The following ANTXR2 variants were observed in gnomAD, a reference collection of about 807,000 sequenced individuals.
ANTXR2 encodes anthrax toxin receptor 2.
Under a neutral mutation model 73.7 loss-of-function variants are expected in ANTXR2, and 44 were observed. That is an observed-to-expected ratio of 0.60 (90% confidence interval 0.47 to 0.77). The LOEUF (loss-of-function observed/expected upper bound fraction) is 0.77, where lower values mean the gene tolerates loss of function less well. Ranked by LOEUF, ANTXR2 falls within the 30% of genes least tolerant of loss-of-function variation. The pLI, the probability that ANTXR2 is intolerant of heterozygous loss-of-function variation, is 0.00. For missense variants in ANTXR2, 604 were observed against 592.5 expected, an observed-to-expected ratio of 1.02 and a Z score of -0.20; for synonymous variants, 217 against 205.9, an observed-to-expected ratio of 1.05 and a Z score of -0.46.
intron 3 of ANTXR2, among the ~76,000 whole-genome samples, chr4:80,057,256 T>G (rs989213859): frequency 2.0e-5 from 3 of 151,964 alleles, no homozygotes; most frequent in Non-Finnish European, 4.4e-5. Context: ...AGGAACTTAC[T>G]GGGGCCATAC....
At chr4:80,016,549 C>G (rs1213273078) in intron 11 of ANTXR2, among the ~76,000 whole-genome samples, 2 of 152,194 alleles carry the variant, frequency 1.3e-5, no homozygotes, top group East Asian at 3.8e-4. Flanking sequence ...CATTTGTCAA[C>G]AACTAACAGC....
At chr4:79,908,495 T>C (rs1424897685) in intron 16 of ANTXR2, among the ~76,000 whole-genome samples, 6 of 150,716 alleles carry the variant, frequency 4.0e-5, no homozygotes, top group Admixed American at 3.9e-4. Flanking sequence ...CAAAAATGAC[T>C]GCTCAATAAA....
chr4:79,952,144 T>A (rs1324578872), intron 16 of ANTXR2, among the ~76,000 whole-genome samples: 1 of 151,118 alleles, frequency 6.6e-6, no homozygotes, highest in Admixed American at 6.6e-5. Flanking sequence ...ATTGTGGAGT[T>A]TTCAAATATA....
chr4:80,007,178 T>A (rs1731343664), intron 12 of ANTXR2, among the ~76,000 whole-genome samples: 3 of 152,062 alleles, frequency 2.0e-5, no homozygotes, highest in Non-Finnish European at 4.4e-5. Context: ...GTACAACTAA[T>A]AATAAACGCA....
chr4:79,999,529 C>G (rs1364611834), intron 12 of ANTXR2, among the ~76,000 whole-genome samples: 1 of 151,984 alleles, frequency 6.6e-6, no homozygotes, highest in African/African-American at 2.4e-5. Context: ...TACACCACTC[C>G]TTAGCAGTCT....
intron 16 of ANTXR2, among the ~76,000 whole-genome samples, chr4:79,929,636 C>A (rs894741837): frequency 1.3e-5 from 2 of 152,084 alleles, no homozygotes; most frequent in Non-Finnish European, 2.9e-5. Context: ...TGAGATAGGC[C>A]CCCAGGCATT....
intron 16 of ANTXR2, among the ~76,000 whole-genome samples, chr4:79,933,661 A>G (rs1398394118): frequency 6.7e-6 from 1 of 148,562 alleles, no homozygotes; most frequent in Non-Finnish European, 1.5e-5. Flanking sequence ...TTAACTCTTC[A>G]TTTAACATTA....
At chr4:79,961,493 A>G (rs1013926513) in intron 16 of ANTXR2, among the ~76,000 whole-genome samples, 5 of 151,878 alleles carry the variant, frequency 3.3e-5, no homozygotes, top group Non-Finnish European at 5.9e-5. Flanking sequence ...GGAGTGCAAT[A>G]GTGTGATCAT....
At chr4:80,061,280 G>T (rs887978977) in intron 3 of ANTXR2, among the ~76,000 whole-genome samples, 6 of 121,128 alleles carry the variant, frequency 5.0e-5, no homozygotes, top group Middle Eastern at 7.6e-3. Flanking sequence ...GTGTGTGTGT[G>T]CCTCTGTGTG....
chr4:80,012,306 C>G (rs938101951), intron 11 of ANTXR2, among the ~76,000 whole-genome samples: 1 of 151,160 alleles, frequency 6.6e-6, no homozygotes, highest in Non-Finnish European at 1.5e-5. Flanking sequence ...CAAATCCAGC[C>G]AATCTATTTG....
At chr4:79,984,274 TAGAA>T (rs2110019942) in intron 13 of ANTXR2, among the ~76,000 whole-genome samples, 1 of 152,216 alleles carries the variant, frequency 6.6e-6, no homozygotes, top group East Asian at 1.9e-4. Context: ...ACTTCATACT[TAGAA>T]AGATAAAATA....
At chr4:79,980,122 AG>A (rs1310111975) in intron 14 of ANTXR2, among the ~76,000 whole-genome samples, 3 of 152,182 alleles carry the variant, frequency 2.0e-5, no homozygotes, top group Non-Finnish European at 2.9e-5. Flanking sequence ...TGGCATTTCT[AG>A]GTACTACACT....
intron 12 of ANTXR2, among the ~76,000 whole-genome samples, chr4:79,998,691 G>A (rs906263145): frequency 1.3e-5 from 2 of 151,924 alleles, no homozygotes; most frequent in Non-Finnish European, 1.5e-5. Context: ...TGCTGATGAC[G>A]GCTTTGTTAA....
At chr4:80,053,424 T>C (rs925237375) in intron 7 of ANTXR2, among the ~76,000 whole-genome samples, 8 of 151,752 alleles carry the variant, frequency 5.3e-5, no homozygotes, top group African/African-American at 1.9e-4. Context: ...ACAAATACAA[T>C]AAATCTCATT....
At chr4:79,997,211 C>T (rs2110039466) in intron 12 of ANTXR2, among the ~76,000 whole-genome samples, 1 of 151,780 alleles carries the variant, frequency 6.6e-6, no homozygotes, top group Non-Finnish European at 1.5e-5. Context: ...TCATATGTTC[C>T]AATATTCAGA....
At chr4:79,998,736 G>A (rs905230406) in intron 12 of ANTXR2, among the ~76,000 whole-genome samples, 1 of 151,972 alleles carries the variant, frequency 6.6e-6, no homozygotes, top group African/African-American at 2.4e-5. Flanking sequence ...TATGAGGAAG[G>A]ATACTCAATG....
chr4:79,907,544 C>G, intron 16 of ANTXR2, 77 bp from the exon 17 acceptor site: 1 of 1,440,556 alleles, frequency 6.9e-7, no homozygotes, highest in Non-Finnish European at 9.7e-7. Flanking sequence ...AGTTTTCCTA[C>G]CATGATAATA....
At chr4:79,952,960 C>T (rs561792951) in intron 16 of ANTXR2, among the ~76,000 whole-genome samples, 139 of 152,190 alleles carry the variant, frequency 9.1e-4, no homozygotes, top group Admixed American at 1.7e-3. Flanking sequence ...CATGCCACAA[C>T]ATGAAAGTCT....
At chr4:80,031,798 C>A (rs1162316558) in intron 9 of ANTXR2, 106 bp from the exon 10 acceptor site, 6 of 542,490 alleles carry the variant, frequency 1.1e-5, no homozygotes, top group Non-Finnish European at 1.8e-5. Context: ...ATGTGGAATA[C>A]TAGATATATT....
Sources: gnomAD v4.1 joint callset for allele counts (sites outside exome capture counted in the v4.1 genomes callset) on GRCh38, gnomAD v4.1.1 for gene constraint, MANE v1.5 for transcripts, NCBI Gene and HGNC (gene_info 2026-07-23, HGNC 2026-07-21) for gene names.